SLC39A10: variants seen among roughly 807,000 people sequenced by gnomAD.
SLC39A10 encodes zinc transporter ZIP10.
SLC39A10 carries 13 observed loss-of-function variants against 65.1 expected under a neutral mutation model. The observed-to-expected ratio is 0.20, with a 90% CI of 0.13 to 0.32. The LOEUF (loss-of-function observed/expected upper bound fraction) is 0.32, where lower values mean the gene tolerates loss of function less well. SLC39A10 is among the 10% of genes least tolerant of loss of function. The pLI is 1.00. For synonymous variants in SLC39A10, 321 were observed against 342.2 expected, an observed-to-expected ratio of 0.94 and a Z score of 0.68; for missense variants, 831 against 1,018.4, an observed-to-expected ratio of 0.82 and a Z score of 2.50.
chr2:195,662,859 A>G (rs1689461571), intron 1 of SLC39A10, among the ~76,000 whole-genome samples: 1 of 152,234 alleles, frequency 6.6e-6, no homozygotes, highest in African/African-American at 2.4e-5. Context: ...TTGCGGTAAA[A>G]TACTTTAGTA....
chr2:195,678,621 T>C (rs867117854), intron 1 of SLC39A10, among the ~76,000 whole-genome samples: 24 of 151,076 alleles, frequency 1.6e-4, no homozygotes, highest in Admixed American at 7.3e-4. Flanking sequence ...TTCAGTGTAA[T>C]ATATTATCAA....
At chr2:195,671,479 ATAT>A (rs1288239890) in intron 1 of SLC39A10, among the ~76,000 whole-genome samples, 1 of 152,248 alleles carries the variant, frequency 6.6e-6, no homozygotes, top group Non-Finnish European at 1.5e-5. Context: ...AACTGAAAAA[ATAT>A]TATCAATTAT....
chr2:195,678,432 G>A (rs978297883), intron 1 of SLC39A10, among the ~76,000 whole-genome samples: 1 of 151,948 alleles, frequency 6.6e-6, no homozygotes, highest in Non-Finnish European at 1.5e-5. Context: ...GCTTGTTCAA[G>A]TTACCTACTC....
chr2:195,674,478 T>G (rs1282213187), intron 1 of SLC39A10: 1 of 459,224 alleles, frequency 2.2e-6, no homozygotes, highest in African/African-American at 2.1e-5. Flanking sequence ...GGTTTCACCA[T>G]GTTGGTCAGG....
chr2:195,686,677 G>C (rs754834964), intron 3 of SLC39A10, among the ~76,000 whole-genome samples: 5 of 152,118 alleles, frequency 3.3e-5, no homozygotes, highest in Non-Finnish European at 4.4e-5. Flanking sequence ...CTTTCATTTG[G>C]TGAGGAAAAG....
At position 195,680,026 on chromosome 2, in the gene SLC39A10, C is replaced by G; in HGVS notation, c.-11-6C>G. On this transcript the variant is annotated splice_region_variant and splice_polypyrimidine_tract_variant and intron_variant, in intron 1 of 9. Transcript: ENST00000359634. The stretch of plus-strand genomic sequence containing the variant: ...AATACTTGTCTCTCTCTTTAAATCT[C>G]TTTAGGAAAAATAGAAATGAAGGTA... 6.4e-7 allele frequency: 1 copy of G among 1,565,724 alleles called. No individual in the cohort carries two copies. The highest frequency in any genetic ancestry group is 8.6e-7 in the Non-Finnish European group (1 of 1,160,730).
intron 2 of SLC39A10, among the ~76,000 whole-genome samples, chr2:195,638,614 G>T (rs1688740196): frequency 6.6e-6 from 1 of 152,114 alleles, no homozygotes; most frequent in African/African-American, 2.4e-5. Context: ...AAAGTGCTGG[G>T]ATTACAGGCA....
intron 2 of SLC39A10, among the ~76,000 whole-genome samples, chr2:195,647,154 C>T (rs1177005806): frequency 6.6e-6 from 1 of 152,090 alleles, no homozygotes; most frequent in Non-Finnish European, 1.5e-5. Flanking sequence ...ATTCCATCTC[C>T]AGCCTTTGTA....
intron 2 of SLC39A10, among the ~76,000 whole-genome samples, chr2:195,644,484 G>A (rs1688871253): frequency 6.6e-6 from 1 of 151,754 alleles, no homozygotes; most frequent in African/African-American, 2.4e-5. Context: ...TGGGATTACA[G>A]GCATGCACCA....
chr2:195,736,723 A>G lies in SLC39A10; in HGVS notation c.*1682A>G, dbSNP rs1574331115. ...TGAAAAATTATTTCTGACTTACTCCATGGCCTCCTTATAATAAGTAGAAGT... is the reference window on the plus strand; with the variant it reads ...TGAAAAATTATTTCTGACTTACTCCGTGGCCTCCTTATAATAAGTAGAAGT... On this transcript the variant is annotated 3_prime_UTR_variant, in exon 10 of 10. Transcript: ENST00000359634. 6.6e-6 allele frequency: 1 copy of G among 152,524 alleles called. No homozygotes were observed. The allele number at this position is 152,524 out of a possible 1,614,324, so 9.4% of individuals were successfully genotyped here.
At chr2:195,704,690 T>C (rs1222680384) in intron 3 of SLC39A10, among the ~76,000 whole-genome samples, 1 of 152,172 alleles carries the variant, frequency 6.6e-6, no homozygotes. Flanking sequence ...TATTTTTTCT[T>C]TCTAGAATAA....
At chr2:195,657,415 C>T in intron 1 of SLC39A10, 134 bp downstream of exon 1, 1 of 985,658 alleles carries the variant, frequency 1.0e-6, no homozygotes, top group Non-Finnish European at 1.2e-6. Flanking sequence ...CTGGTTCCCT[C>T]GGGGATGCGG....
Position 195,617,813 on chromosome 2 carries a change from G to C in SLC39A10, c.-12+11580G>C, listed in dbSNP as rs563322424. 1.8e-4 allele frequency among the ~76,000 whole-genome samples: 27 copies of C among 151,050 alleles called. No homozygotes were observed. In the East Asian group the frequency reaches 3.7e-3, roughly 21 times the overall value. ...GGAGTGCAGTGGCACAATCTCGGCG[G>C]ACTGCAAGCTCTGCCTCCTAGGGTC... is the stretch of plus-strand genomic sequence containing the variant. On this transcript the variant is annotated intron_variant, in intron 2 of 2. Coordinates refer to the SLC39A10 transcript ENST00000458054.
intron 5 of SLC39A10, among the ~76,000 whole-genome samples, chr2:195,712,045 T>C (rs1691617830): frequency 1.3e-5 from 2 of 152,230 alleles, no homozygotes; most frequent in Non-Finnish European, 2.9e-5. Context: ...TCCTCTCTAC[T>C]TGCCATTTGC....
intron 1 of SLC39A10, 72 bp from the exon 2 acceptor site, chr2:195,679,960 C>T (rs745318139): frequency 7.7e-7 from 1 of 1,301,322 alleles, no homozygotes; most frequent in Admixed American, 2.7e-5. Context: ...TTGGCAACTT[C>T]CAGAGAATTA....
At chr2:195,630,427 A>C (rs1335242309) in intron 2 of SLC39A10, among the ~76,000 whole-genome samples, 3 of 152,180 alleles carry the variant, frequency 2.0e-5, no homozygotes, top group Non-Finnish European at 4.4e-5. Context: ...GTATTCCGCT[A>C]TTCGGAAGCT....
At chr2:195,661,414 ATT>A (rs1488340634) in intron 1 of SLC39A10, among the ~76,000 whole-genome samples, 1 of 152,180 alleles carries the variant, frequency 6.6e-6, no homozygotes, top group Non-Finnish European at 1.5e-5. Flanking sequence ...GTATGTATTT[ATT>A]TATATAGAGA....
chr2:195,672,797 A>G (rs1689919906), intron 1 of SLC39A10, among the ~76,000 whole-genome samples: 1 of 152,222 alleles, frequency 6.6e-6, no homozygotes, highest in African/African-American at 2.4e-5. Flanking sequence ...GTGAGATAAC[A>G]TGCATTAAAG....
At chr2:195,645,885 CGT>C (rs1278897623) in intron 2 of SLC39A10, among the ~76,000 whole-genome samples, 13 of 152,098 alleles carry the variant, frequency 8.5e-5, no homozygotes, top group Non-Finnish European at 2.9e-5. Context: ...TTAATGATCA[CGT>C]TAAAGCCACA....
Sources: allele counts gnomAD v4.1 joint callset (sites outside exome capture counted in the v4.1 genomes callset), GRCh38; gene constraint gnomAD v4.1.1; transcripts MANE v1.5; gene names NCBI Gene and HGNC (gene_info 2026-07-23, HGNC 2026-07-21).